MICALL2: variants seen among roughly 807,000 people sequenced by gnomAD.
MICALL2 encodes the protein MICAL like 2.
MICALL2 carries 111 observed loss-of-function variants against 91.1 expected under a neutral mutation model. That is an observed-to-expected ratio of 1.22 (90% CI 1.04 to 1.43). The LOEUF (loss-of-function observed/expected upper bound fraction) is 1.43. MICALL2 is among the 40% of genes most tolerant of loss of function. The probability of loss-of-function intolerance (pLI) is 0.00; values close to 1 mark genes in which losing one functional copy is unlikely to be tolerated. For synonymous variants in MICALL2, 694 were observed against 525.3 expected (o/e 1.32, Z -4.39); for missense variants, 1,556 against 1,236.0 (o/e 1.26, Z -3.88).
intron 1 of MICALL2, among the ~76,000 whole-genome samples, chr7:1,454,629 G>T (rs1028700105): frequency 6.6e-6 from 1 of 152,222 alleles, no homozygotes; most frequent in African/African-American, 2.4e-5. Context: ...CGGCCACAGA[G>T]GTCTGGCTAC....
In MICALL2 at chr7:1,438,372, G is replaced by T. The variant is rs760938815; in HGVS notation, c.2123-19C>A. 1.8e-5 allele frequency: 29 copies of T among 1,590,472 alleles called. No homozygotes were observed. The highest frequency in any genetic ancestry group is 2.4e-5 in the Non-Finnish European group (28 of 1,169,688). ...GGTCTCCCTGGAGAAGGAGCAGGGT[G>T]AGCCTCTGGGACCTGGGCCACCAGG... is the stretch of plus-strand genomic sequence containing the variant. On this transcript the variant is annotated intron_variant, in intron 10 of 16. Coordinates refer to ENST00000297508, the MANE Select transcript of MICALL2 (RefSeq NM_182924.4).
At chr7:1,454,026 CCA>C (rs1176766939) in intron 1 of MICALL2, among the ~76,000 whole-genome samples, 1 of 152,208 alleles carries the variant, frequency 6.6e-6, no homozygotes, top group African/African-American at 2.4e-5. Flanking sequence ...TGACCCACGA[CCA>C]TCAACTTCAG....
chr7:1,435,012 C>G, intron 16 of MICALL2, 89 bp downstream of exon 16: 1 of 554,792 alleles, frequency 1.8e-6, no homozygotes, highest in South Asian at 1.7e-5. Flanking sequence ...AGCTGGAGGC[C>G]CGGTCCACCC....
intron 3 of MICALL2, 134 bp downstream of exon 3, chr7:1,448,486 C>A (rs1780692259): frequency 1.2e-6 from 1 of 808,776 alleles, no homozygotes; most frequent in Non-Finnish European, 2.0e-6. Context: ...AGTGCACAGC[C>A]CCGGTGCCCA....
At chr7:1,440,435 C>A in intron 8 of MICALL2, 156 bp downstream of exon 8, 1 of 708,780 alleles carries the variant, frequency 1.4e-6, no homozygotes, top group South Asian at 1.7e-5. Context: ...ACAGCGGCCC[C>A]CATGTCCCTC....
In MICALL2 at chr7:1,442,277, G is replaced by A. The variant is rs1562454796; in HGVS notation, c.1626C>T (p.Ser542=). 3 of 1,612,918 alleles carry A rather than the reference G, an allele frequency of 1.9e-6. No individual in the cohort carries two copies. The highest frequency in any genetic ancestry group is 1.7e-5 in the Admixed American group (1 of 59,994). The stretch of plus-strand genomic sequence containing the variant: ...CAGCACCCACCCTGCCGACCCCTGA[G>A]GATTCCGCCAAGTTCCTCCTGCCTG... ...PPAGRRNLAE[S]SGVGRVGAGS... is the part of the protein sequence containing the mutation. The change falls in exon 7 of 17, where the codon TCC becomes TCT. Residue 542 remains serine, a synonymous_variant. Transcript: ENST00000297508.
At chr7:1,438,060 G>A (rs1392701744) in intron 12 of MICALL2, 37 bp downstream of exon 12, 4 of 1,565,526 alleles carry the variant, frequency 2.6e-6, no homozygotes, top group Non-Finnish European at 3.5e-6. Context: ...GTGTCTGTGG[G>A]AGTCGGGCTG....
chr7:1,453,257 T>C (rs1222569511), intron 1 of MICALL2, among the ~76,000 whole-genome samples: 1 of 152,002 alleles, frequency 6.6e-6, no homozygotes, highest in African/African-American at 2.4e-5. Flanking sequence ...CCTTTGGAGA[T>C]AAGAGAATTC....
intron 10 of MICALL2, 153 bp downstream of exon 10, chr7:1,438,687 G>A (rs1780107781): frequency 1.4e-6 from 2 of 1,464,818 alleles, no homozygotes; most frequent in African/African-American, 1.4e-5. Context: ...CATGAGGGCG[G>A]GCCTGGGGCA....
rs1416348384 is a variant in MICALL2, at chr7:1,442,284, G to A, written c.1619C>T (p.Ala540Val). 3.1e-6 allele frequency: 5 copies of A among 1,612,910 alleles called. No homozygotes were observed. Among genetic ancestry groups the A allele is most frequent in the African/African-American group, 1.3e-5 (1 of 74,936 alleles). Residue 540 changes from alanine (A) to valine (V), a missense_variant, in exon 7 of 17, where the codon GCG becomes GTG. By Grantham distance (64) the Ala-to-Val change is moderately conservative (BLOSUM62 0). Coordinates refer to ENST00000297508, the MANE Select transcript of MICALL2 (RefSeq NM_182924.4). ...CACCCTGCCGACCCCTGAGGATTCC[G>A]CCAAGTTCCTCCTGCCTGCCGGGGG... ...ALPPAGRRNLAESSGVGRVGA... is the reference protein window; with the variant it reads ...ALPPAGRRNLVESSGVGRVGA...
At chr7:1,438,635 GA>G in intron 10 of MICALL2, 1 of 1,422,118 alleles carries the variant, frequency 7.0e-7, no homozygotes, top group Non-Finnish European at 9.2e-7. Flanking sequence ...TCATCACCAT[GA>G]GTCTGTAACA....
At chr7:1,445,570 C>T in intron 5 of MICALL2, 142 bp from the exon 6 acceptor site, 2 of 756,540 alleles carry the variant, frequency 2.6e-6, no homozygotes, top group Non-Finnish European at 4.2e-6. Flanking sequence ...ACGCATTCAC[C>T]ACGTGCTCCT....
In MICALL2 at chr7:1,452,907, C is replaced by T. The variant is rs191105259; in HGVS notation, c.144-2619G>A. ...CTGCCCCAAGCTCCTTCCCCAGGGC[C>T]GGCCCTCCAGCCTCCAGACCATGGC... On this transcript the variant is annotated intron_variant, in intron 1 of 16. Transcript: ENST00000297508. This position sits in a 1 kb window ranked among gnomAD's most constrained non-coding sequence, Gnocchi z 6.2. 1.7e-4 allele frequency among the ~76,000 whole-genome samples: 26 copies of T among 152,214 alleles called. No homozygotes were observed. Among genetic ancestry groups the T allele is most frequent in the African/African-American group, 6.3e-4 (26 of 41,526 alleles).
chr7:1,442,326 GAGGTACTGC>G lies in MICALL2; in HGVS notation c.1568_1576del (p.Ser523_Ser526delinsThr), dbSNP rs1489374598. On this transcript the variant is annotated inframe_deletion, in exon 7 of 17. Transcript: ENST00000297508. ...TGCCGGGGGCAACGCGGATGCCTGA[GAGGTACTGC>G]TCGTGCTCAGCGGGGCTGGCGGTTC... 2 of 1,613,108 alleles carry G rather than the reference GAGGTACTGC, an allele frequency of 1.2e-6. No individual in the cohort carries two copies. Among genetic ancestry groups the G allele is most frequent in the African/African-American group, 2.7e-5 (2 of 74,938 alleles).
At chr7:1,434,980 T>TGCCCCCCCCCCC in intron 16 of MICALL2, 121 bp downstream of exon 16, 1 of 628,932 alleles carries the variant, frequency 1.6e-6, no homozygotes, top group African/African-American at 2.0e-5. Context: ...GGGGACCCGA[T>TGCCCCCCCCCCC]ACCCGCCCCC....
chr7:1,438,083 G>A lies in MICALL2; in HGVS notation c.2311+14C>T. 6.4e-7 allele frequency: 1 copy of A among 1,571,048 alleles called. No individual in the cohort carries two copies. Among genetic ancestry groups the A allele is most frequent in the Non-Finnish European group, 8.6e-7 (1 of 1,159,504 alleles). ...GGGAGTCGGGCTGGCCCAGGGCCAG[G>A]CCGAGGCGCTCACCTCCCTCGGCCG... On this transcript the variant is annotated intron_variant, in intron 12 of 16. Transcript: ENST00000297508.
chr7:1,436,613 T>G (rs1339270192), intron 15 of MICALL2, 129 bp downstream of exon 15: 6 of 520,350 alleles, frequency 1.2e-5, no homozygotes, highest in Non-Finnish European at 1.9e-5. Context: ...CCCTGGCTAC[T>G]GTACCAGTCA....
intron 1 of MICALL2, among the ~76,000 whole-genome samples, chr7:1,457,748 T>C (rs1160369821): frequency 6.6e-6 from 1 of 152,232 alleles, no homozygotes; most frequent in African/African-American, 2.4e-5. Context: ...ATGAAGCTGG[T>C]GGCCAGCAGC....
At chr7:1,456,000 AG>A (rs1278022157) in intron 1 of MICALL2, among the ~76,000 whole-genome samples, 1 of 151,910 alleles carries the variant, frequency 6.6e-6, no homozygotes, top group Non-Finnish European at 1.5e-5. Context: ...TACTGGGGAC[AG>A]GAGGGACAGC....
Sources: gnomAD v4.1 joint callset for allele counts (sites outside exome capture counted in the v4.1 genomes callset) on GRCh38, gnomAD v4.1.1 for gene constraint, Gnocchi (gnomAD v3.1) non-coding constraint, MANE v1.5 for transcripts, NCBI Gene and HGNC (gene_info 2026-07-23, HGNC 2026-07-21) for gene names.